The following CHCHD3 variants were observed in gnomAD, a reference collection of about 807,000 sequenced individuals.
CHCHD3 encodes MICOS complex subunit MIC19.
CHCHD3 carries 20 observed loss-of-function variants against 38.2 expected under a neutral mutation model. That is an observed-to-expected ratio of 0.52 (90% CI 0.37 to 0.76). The LOEUF (loss-of-function observed/expected upper bound fraction) is 0.76. Among genes scored for constraint, CHCHD3 ranks in the 30% least tolerant of loss-of-function variants. The probability of loss-of-function intolerance (pLI) is 0.00; values close to 1 mark genes in which losing one functional copy is unlikely to be tolerated. For synonymous variants in CHCHD3, 82 were observed against 100.0 expected (o/e 0.82, Z 1.07); for missense variants, 245 against 279.2 (o/e 0.88, Z 0.87).
At chr7:133,071,613 GA>G (rs1217241742) in intron 1 of CHCHD3, among the ~76,000 whole-genome samples, 2 of 152,188 alleles carry the variant, frequency 1.3e-5, no homozygotes, top group Non-Finnish European at 2.9e-5. Context: ...GACCAATTAA[GA>G]AGCTATTAAG....
At chr7:132,831,062 C>G (rs1807636423) in intron 6 of CHCHD3, among the ~76,000 whole-genome samples, 1 of 152,106 alleles carries the variant, frequency 6.6e-6, no homozygotes, top group Non-Finnish European at 1.5e-5. Context: ...AGTAAAAGCC[C>G]AAATCCTTGC....
At chr7:132,865,981 G>C (rs974797270) in intron 5 of CHCHD3, among the ~76,000 whole-genome samples, 18 of 152,124 alleles carry the variant, frequency 1.2e-4, no homozygotes, top group Non-Finnish European at 1.5e-5. Flanking sequence ...TACTCATATA[G>C]CCTCCAGTGG....
At chr7:132,940,297 G>A (rs1469664176) in intron 4 of CHCHD3, among the ~76,000 whole-genome samples, 1 of 152,200 alleles carries the variant, frequency 6.6e-6, no homozygotes, top group African/African-American at 2.4e-5. Flanking sequence ...GTGTATGCAT[G>A]TGTGCTAGTC....
intron 2 of CHCHD3, among the ~76,000 whole-genome samples, chr7:133,064,044 T>C (rs1040638274): frequency 3.3e-5 from 5 of 152,334 alleles, no homozygotes; most frequent in African/African-American, 1.2e-4. Flanking sequence ...CCATACCTCT[T>C]ATACATTCTA....
At chr7:132,792,118 G>A (rs933908692) in intron 7 of CHCHD3, among the ~76,000 whole-genome samples, 3 of 152,192 alleles carry the variant, frequency 2.0e-5, no homozygotes, top group African/African-American at 4.8e-5. Flanking sequence ...ATCTCCTGGG[G>A]TTGGTCCTTG....
intron 4 of CHCHD3, among the ~76,000 whole-genome samples, chr7:132,925,819 T>C (rs1240780258): frequency 6.6e-6 from 1 of 152,032 alleles, no homozygotes; most frequent in Non-Finnish European, 1.5e-5. Flanking sequence ...AACGAAAACG[T>C]TTCCAAAAGA....
chr7:132,898,084 C>G (rs141144555), intron 4 of CHCHD3, among the ~76,000 whole-genome samples: 7 of 151,630 alleles, frequency 4.6e-5, no homozygotes, highest in Non-Finnish European at 7.4e-5. Context: ...TCGTGGTCTC[C>G]CTGGCTTCAG....
At chr7:133,000,838 T>C (rs1299042701) in intron 3 of CHCHD3, among the ~76,000 whole-genome samples, 1 of 152,188 alleles carries the variant, frequency 6.6e-6, no homozygotes, top group Non-Finnish European at 1.5e-5. Context: ...CTTTAGAGCA[T>C]ATTTCTGTTT....
At chr7:132,815,790 G>T (rs1348230086) in intron 6 of CHCHD3, among the ~76,000 whole-genome samples, 1 of 152,070 alleles carries the variant, frequency 6.6e-6, no homozygotes, top group Non-Finnish European at 1.5e-5. Context: ...CGCACCGTCA[G>T]TCAAGGGTTG....
At chr7:132,994,502 T>C (rs1812364196) in intron 3 of CHCHD3, among the ~76,000 whole-genome samples, 1 of 152,144 alleles carries the variant, frequency 6.6e-6, no homozygotes, top group African/African-American at 2.4e-5. Flanking sequence ...AAGAGTGATA[T>C]CCGTTTTTGA....
chr7:132,807,297 C>T (rs1317335819), intron 6 of CHCHD3, among the ~76,000 whole-genome samples: 1 of 152,090 alleles, frequency 6.6e-6, no homozygotes, highest in Non-Finnish European at 1.5e-5. Flanking sequence ...CTCTCTGCCC[C>T]CCAGGCTGTA....
chr7:132,927,193 T>C (rs951411380), intron 4 of CHCHD3, among the ~76,000 whole-genome samples: 10 of 152,240 alleles, frequency 6.6e-5, no homozygotes, highest in Admixed American at 6.5e-5. Flanking sequence ...AAATGCAGTA[T>C]AGAAAGTGGT....
intron 1 of CHCHD3, among the ~76,000 whole-genome samples, chr7:133,078,239 G>A (rs1429386315): frequency 6.6e-6 from 1 of 152,160 alleles, no homozygotes; most frequent in African/African-American, 2.4e-5. Context: ...AACCTGGGAG[G>A]CAGAGGTTGC....
chr7:132,800,497 A>G (rs1285135630), intron 6 of CHCHD3, among the ~76,000 whole-genome samples: 1 of 152,164 alleles, frequency 6.6e-6, no homozygotes, highest in African/African-American at 2.4e-5. Flanking sequence ...AAAACTACTT[A>G]CCCATCTTTT....
Position 133,035,824 on chromosome 7 carries a change from A to G in CHCHD3, c.170-11197T>C. 1 of 1,613,076 alleles carries G rather than the reference A, an allele frequency of 6.2e-7. No homozygotes were observed. The highest frequency in any genetic ancestry group is 8.5e-7 in the Non-Finnish European group (1 of 1,179,080). On this transcript the variant is annotated intron_variant, in intron 2 of 7. Transcript: ENST00000262570. This position sits in a 1 kb window ranked among gnomAD's most constrained non-coding sequence, Gnocchi z 4.7. ...CCAAAATGGAAGTGGGGTGGTGCGG[A>G]GAGCACGCGGATCTGAGCCCCGCTG...
At chr7:132,821,491 G>C (rs1807373195) in intron 6 of CHCHD3, among the ~76,000 whole-genome samples, 1 of 152,106 alleles carries the variant, frequency 6.6e-6, no homozygotes, top group Non-Finnish European at 1.5e-5. Flanking sequence ...GTGGAAAAAT[G>C]AAGAGAAGTC....
chr7:133,014,005 C>G (rs1219517281), intron 3 of CHCHD3, among the ~76,000 whole-genome samples: 2 of 152,092 alleles, frequency 1.3e-5, no homozygotes, highest in African/African-American at 4.8e-5. Context: ...ATAAGTGTTT[C>G]TTAACTAGTA....
intron 2 of CHCHD3, among the ~76,000 whole-genome samples, chr7:133,053,736 G>C (rs1260814522): frequency 6.6e-6 from 1 of 152,162 alleles, no homozygotes; most frequent in African/African-American, 2.4e-5. Context: ...GAATGACTCT[G>C]GTGATAAAGT....
At chr7:132,867,430 A>G (rs1808661301) in intron 5 of CHCHD3, among the ~76,000 whole-genome samples, 1 of 152,238 alleles carries the variant, frequency 6.6e-6, no homozygotes, top group African/African-American at 2.4e-5. Flanking sequence ...AGTATTCTAA[A>G]TTACAGATGA....
Sources: gnomAD v4.1 joint callset for allele counts (sites outside exome capture counted in the v4.1 genomes callset) on GRCh38, gnomAD v4.1.1 for gene constraint, Gnocchi (gnomAD v3.1) non-coding constraint, MANE v1.5 for transcripts, NCBI Gene and HGNC (gene_info 2026-07-23, HGNC 2026-07-21) for gene names.